Variants in DIP2A observed in about 807,000 individuals in gnomAD.
The protein encoded by DIP2A is DIP2 acetate--CoA ligase A.
In DIP2A, 85 loss-of-function variants were observed where a neutral mutation model predicts 177.4. That is an observed-to-expected ratio of 0.48 (90% CI 0.40 to 0.57). DIP2A has a LOEUF of 0.57. DIP2A is among the 20% of genes least tolerant of loss of function. DIP2A has a pLI of 0.00. For synonymous variants in DIP2A, 886 were observed against 881.8 expected, an observed-to-expected ratio of 1.00 and a Z score of -0.08; for missense variants, 1,791 against 2,100.2, an observed-to-expected ratio of 0.85 and a Z score of 2.88.
chr21:46,556,860 C>A lies in DIP2A; in HGVS notation c.3499-79C>A. The A allele has an allele frequency of 7.7e-7, 1 of 1,295,550 alleles. No homozygotes were observed. Among genetic ancestry groups the A allele is most frequent in the East Asian group, 2.6e-5 (1 of 39,200 alleles). The allele number at this position is 1,295,550 out of a possible 1,614,324, so 80.3% of individuals were successfully genotyped here. A position where few individuals can be genotyped will look rare whatever the true frequency, so the allele number is the denominator to read the frequency against. On this transcript the variant is annotated intron_variant, in intron 29 of 37. Transcript: ENST00000417564. The surrounding 1 kb of genome is among the most constrained non-coding windows in gnomAD (Gnocchi z 4.5). ...CGGAGCTATGGTCTAGCCATGTGAA[C>A]AGCGGACACTGCCATCCACCCTCTC...
chr21:46,539,651 C>A, intron 16 of DIP2A: 1 of 555,314 alleles, frequency 1.8e-6, no homozygotes, highest in South Asian at 1.9e-5. Flanking sequence ...CCCTTCTGCC[C>A]TTTGGAGCAC....
chr21:46,494,415 G>A (rs2057191185), intron 3 of DIP2A, among the ~76,000 whole-genome samples: 1 of 152,224 alleles, frequency 6.6e-6, no homozygotes, highest in Non-Finnish European at 1.5e-5. Context: ...CCACCAAGAG[G>A]CCTGTTGGGC....
rs139205564 is a variant in DIP2A, at chr21:46,485,925, G to A, written c.163+1097G>A. On this transcript the variant is annotated intron_variant, in intron 2 of 37. Transcript: ENST00000417564. The stretch of plus-strand genomic sequence containing the variant: ...GTCTCTACTAAAAATATAAAAATTC[G>A]CCGGGCATGGTGGTGCGTACCTGTA... 2.0e-4 allele frequency among the ~76,000 whole-genome samples: 31 copies of A among 151,798 alleles called. No individual in the cohort carries two copies. In the South Asian group the frequency reaches 2.5e-3, roughly 12 times the overall value.
rs2060464961 is a variant in DIP2A at position 46,556,308 on chromosome 21, CT to C, written c.3498+220del. On this transcript the variant is annotated intron_variant, in intron 29 of 37. Coordinates refer to ENST00000417564, the MANE Select transcript of DIP2A (RefSeq NM_015151.4). The surrounding 1 kb of genome is among the most constrained non-coding windows in gnomAD (Gnocchi z 4.5). ...CTGATGCATTATGGTTATGTCTAAACTTTCTGATTTATGACTGTCTAGCTTA... is the reference window on the plus strand; with the variant it reads ...CTGATGCATTATGGTTATGTCTAAACTTCTGATTTATGACTGTCTAGCTTA... The C allele has an allele frequency of 6.6e-7, 1 of 1,505,408 alleles. No homozygotes were observed. The highest frequency in any genetic ancestry group is 8.9e-7 in the Non-Finnish European group (1 of 1,118,304). The allele number at this position is 1,505,408 out of a possible 1,614,324, so 93.3% of individuals were successfully genotyped here.
chr21:46,527,852 G>A (rs1343593057), intron 8 of DIP2A, among the ~76,000 whole-genome samples: 2 of 152,060 alleles, frequency 1.3e-5, no homozygotes, highest in Non-Finnish European at 2.9e-5. Context: ...TCCTTCAAGT[G>A]TGGGGGGTTA....
At chr21:46,548,132 G>A (rs775864606) in intron 21 of DIP2A, among the ~76,000 whole-genome samples, 2 of 152,170 alleles carry the variant, frequency 1.3e-5, no homozygotes, top group Non-Finnish European at 1.5e-5. Flanking sequence ...GAGAAGGTGG[G>A]AGATTGCTCA....
intron 3 of DIP2A, among the ~76,000 whole-genome samples, chr21:46,495,941 G>T (rs1332238699): frequency 2.0e-5 from 3 of 152,076 alleles, no homozygotes; most frequent in Middle Eastern, 6.8e-3. Context: ...GCGTGGTGGG[G>T]GGTGCCTGTA....
At position 46,567,310 on chromosome 21, in the gene DIP2A, T is replaced by C; in HGVS notation, c.4464-60T>C. ...CTTTGTGCCACCCTTTCCCAAGCAT[T>C]CATTGGCCCCTGTGACCTGTGCCTG... On this transcript the variant is annotated intron_variant, in intron 37 of 37. Transcript: ENST00000417564. 2 of 1,555,496 alleles carry C rather than the reference T, an allele frequency of 1.3e-6. 1 individual carries two copies. Among genetic ancestry groups the C allele is most frequent in the South Asian group, 2.5e-5 (2 of 81,362 alleles).
chr21:46,508,018 G>A lies in DIP2A; in HGVS notation c.785-1239G>A, dbSNP rs551574958. Among the ~76,000 whole-genome samples, 32 of 151,484 alleles carry A rather than the reference G, an allele frequency of 2.1e-4. No individual in the cohort carries two copies. In the South Asian group the frequency reaches 6.5e-3, roughly 31 times the overall value. ...ACCCCAATGTGCTGGGATTACAGGG[G>A]TGAGCCACTGTGCCCAGCCCCCCAT... is the stretch of plus-strand genomic sequence containing the variant. On this transcript the variant is annotated intron_variant, in intron 6 of 37. Transcript: ENST00000417564.
At chr21:46,511,039 C>T (rs959914437) in intron 7 of DIP2A, among the ~76,000 whole-genome samples, 1 of 152,122 alleles carries the variant, frequency 6.6e-6, no homozygotes, top group African/African-American at 2.4e-5. Context: ...TGTGAGTGGG[C>T]CACCAGGTCC....
At chr21:46,575,926 C>G in the DIP2A span, among the ~76,000 whole-genome samples, 5 of 152,220 alleles carry the variant, frequency 3.3e-5, no homozygotes, top group African/African-American at 1.2e-4. Context: ...TCTAAAGACA[C>G]TCTGAATAAA....
In DIP2A at chr21:46,458,972, G is replaced by C; in HGVS notation, c.-160G>C. 3 of 458,828 alleles carry C rather than the reference G, an allele frequency of 6.5e-6. No individual in the cohort carries two copies. Among genetic ancestry groups the C allele is most frequent in the Non-Finnish European group, 7.1e-6 (2 of 283,112 alleles). 28.4% of individuals were successfully genotyped at this position (458,828 alleles called of 1,614,324 possible). On this transcript the variant is annotated 5_prime_UTR_variant, in exon 1 of 38. Transcript: ENST00000417564. The stretch of plus-strand genomic sequence containing the variant: ...CATCCGCGCTCGTGCCCGCGCGGGT[G>C]CGTTGCTGTCCTGGCCGCGCCCCTG...
intron 32 of DIP2A, 90 bp downstream of exon 32, chr21:46,558,483 C>T (rs1353227359): frequency 2.4e-5 from 31 of 1,316,446 alleles, no homozygotes; most frequent in African/African-American, 4.4e-5. Flanking sequence ...GTTTTGTAGC[C>T]GCCTGATCTA....
At position 46,556,917 on chromosome 21, in the gene DIP2A, TGA is replaced by T; in HGVS notation, c.3499-21_3499-20del. On this transcript the variant is annotated intron_variant, in intron 29 of 37. Coordinates refer to ENST00000417564, the MANE Select transcript of DIP2A (RefSeq NM_015151.4). This position sits in a 1 kb window ranked among gnomAD's most constrained non-coding sequence, Gnocchi z 4.5. The stretch of plus-strand genomic sequence containing the variant: ...TGAATTTCATTTCACTTTTTTTTTT[TGA>T]ACTTTATTTTACTCTTAAGATGTCG... The T allele has an allele frequency of 6.6e-7, 1 of 1,518,696 alleles. No homozygotes were observed. The highest frequency in any genetic ancestry group is 2.1e-5 in the Admixed American group (1 of 47,830). The allele number at this position is 1,518,696 out of a possible 1,614,324, so 94.1% of individuals were successfully genotyped here.
rs762418591 is a variant in DIP2A at position 46,533,624 on chromosome 21, C to T, written c.1406C>T (p.Thr469Ile). Residue 469 changes from threonine (T) to isoleucine (I), a missense_variant, in exon 11 of 38, where the codon ACA (threonine) becomes ATA (isoleucine). Thr to Ile is a moderately conservative substitution (Grantham distance 89). Coordinates refer to ENST00000417564, the MANE Select transcript of DIP2A (RefSeq NM_015151.4). ...CAGAAAGGCCTCCCCAAGGCACAGA[C>T]AGGAGAGGTGGCAGCTTTCAAAGGT... is the stretch of plus-strand genomic sequence containing the variant. ...ACQKGLPKAQTGEVAAFKGWP... is the reference protein window; with the variant it reads ...ACQKGLPKAQIGEVAAFKGWP... 1 of 1,614,038 alleles carries T rather than the reference C, an allele frequency of 6.2e-7. No homozygotes were observed. Among genetic ancestry groups the T allele is most frequent in the South Asian group, 1.1e-5 (1 of 91,090 alleles).
At chr21:46,574,539 T>C (rs1443796334), downstream of DIP2A, among the ~76,000 whole-genome samples, 2 of 152,080 alleles carry the variant, frequency 1.3e-5, no homozygotes, top group African/African-American at 2.4e-5. Flanking sequence ...ATGGTTTCTT[T>C]GAAAAGATCA....
At chr21:46,474,104 G>T (rs11089068) in intron 1 of DIP2A, among the ~76,000 whole-genome samples, 1 of 151,890 alleles carries the variant, frequency 6.6e-6, no homozygotes, top group Non-Finnish European at 1.5e-5. Flanking sequence ...GGATGGAGAG[G>T]GCAATCAGAA....
rs558875344 is a variant in DIP2A, at chr21:46,509,518, G to A, written c.904+142G>A. 8.3e-5 allele frequency: 90 copies of A among 1,080,410 alleles called. No homozygotes were observed. In the African/African-American group the frequency reaches 1.2e-3, roughly 14 times the overall value. The allele number at this position is 1,080,410 out of a possible 1,614,324, so 66.9% of individuals were successfully genotyped here. On this transcript the variant is annotated intron_variant, in intron 7 of 37. Coordinates refer to ENST00000417564, the MANE Select transcript of DIP2A (RefSeq NM_015151.4). ...GACTCAGTGGTCACTGGGTGTAATG[G>A]TGAATTTAGAATCACATGACTGCTT...
Position 46,547,479 on chromosome 21 carries a change from C to G in DIP2A, c.2522+437C>G, listed in dbSNP as rs2079148003. Among the ~76,000 whole-genome samples the G allele has an allele frequency of 2.6e-5, 4 of 152,084 alleles. No homozygotes were observed. In the South Asian group the frequency reaches 8.3e-4, roughly 31 times the overall value. On this transcript the variant is annotated intron_variant, in intron 21 of 37. Coordinates refer to ENST00000417564, the MANE Select transcript of DIP2A (RefSeq NM_015151.4). ...TTTTCTACATGTGTAAAGCAAGGAC[C>G]TTAGAGATTCTCTTGAGCAAATAAT...
Sources: allele counts gnomAD v4.1 joint callset (sites outside exome capture counted in the v4.1 genomes callset), GRCh38; gene constraint gnomAD v4.1.1; non-coding constraint Gnocchi (gnomAD v3.1); transcripts MANE v1.5; gene names NCBI Gene and HGNC (gene_info 2026-07-23, HGNC 2026-07-21).